Variants in TENM3 observed in about 807,000 individuals in gnomAD.
TENM3 encodes the protein teneurin-3.
TENM3 carries 63 observed loss-of-function variants against 255.1 expected under a neutral mutation model. That is an observed-to-expected ratio of 0.25 (90% CI 0.20 to 0.30). The LOEUF (loss-of-function observed/expected upper bound fraction) is 0.30. Ranked by LOEUF, TENM3 falls within the 10% of genes least tolerant of loss-of-function variation. The probability of loss-of-function intolerance (pLI) is 1.00; values close to 1 mark genes in which losing one functional copy is unlikely to be tolerated. For missense variants in TENM3, 2,929 were observed against 3,461.1 expected (o/e 0.85, Z 3.86); for synonymous variants, 1,306 against 1,322.3 (o/e 0.99, Z 0.27).
chr4:181,547,980 C>T, the TENM3 span, among the ~76,000 whole-genome samples: 1 of 151,722 alleles, frequency 6.6e-6, no homozygotes, highest in African/African-American at 2.4e-5. Flanking sequence ...CCACAACAGG[C>T]CCTGGTGTGT....
the TENM3 span, among the ~76,000 whole-genome samples, chr4:181,968,986 C>CTATATA: frequency 5.7e-5 from 7 of 123,882 alleles, no homozygotes; most frequent in South Asian, 2.7e-4. Flanking sequence ...CTCTCTCTCT[C>CTATATA]TCTCTCTATA....
chr4:181,673,926 C>A, the TENM3 span, among the ~76,000 whole-genome samples: 1 of 151,428 alleles, frequency 6.6e-6, no homozygotes, highest in African/African-American at 2.4e-5. Flanking sequence ...TGACATTACA[C>A]ATGATTGAGG....
At chr4:181,587,525 C>T in the TENM3 span, among the ~76,000 whole-genome samples, 1 of 152,164 alleles carries the variant, frequency 6.6e-6, no homozygotes, top group Non-Finnish European at 1.5e-5. Context: ...CTAAAACCCA[C>T]GTATGATGTT....
chr4:181,474,505 G>C, the TENM3 span, among the ~76,000 whole-genome samples: 1 of 151,970 alleles, frequency 6.6e-6, no homozygotes, highest in Non-Finnish European at 1.5e-5. Context: ...GGGAGGCTAG[G>C]CAGGCGAATC....
At chr4:181,495,920 A>AAAAAT in the TENM3 span, among the ~76,000 whole-genome samples, 1 of 151,210 alleles carries the variant, frequency 6.6e-6, no homozygotes, top group Non-Finnish European at 1.5e-5. Context: ...AAAAAAAAAA[A>AAAAAT]AAGAAACATA....
At chr4:182,100,680 C>CACACATATAT in the TENM3 span, among the ~76,000 whole-genome samples, 3 of 27,776 alleles carry the variant, frequency 1.1e-4, no homozygotes, top group Non-Finnish European at 2.5e-4. Flanking sequence ...CATATATATA[C>CACACATATAT]ACACATATAT....
intron 13 of TENM3, among the ~76,000 whole-genome samples, chr4:182,725,518 T>C (rs1278766039): frequency 2.0e-5 from 3 of 152,108 alleles, no homozygotes; most frequent in Non-Finnish European, 2.9e-5. Context: ...ACTAGAAATA[T>C]TGAGAAATAT....
intron 3 of TENM3, among the ~76,000 whole-genome samples, chr4:182,359,137 A>C (rs1028783676): frequency 2.6e-5 from 4 of 151,734 alleles, no homozygotes; most frequent in African/African-American, 9.7e-5. Flanking sequence ...TTTATTGAGG[A>C]TTTTTGCATC....
intron 3 of TENM3, among the ~76,000 whole-genome samples, chr4:182,450,918 TAGAA>T (rs1773402595): frequency 6.6e-6 from 1 of 152,208 alleles, no homozygotes; most frequent in Non-Finnish European, 1.5e-5. Context: ...CAGGAAAAGA[TAGAA>T]AGGCGCATTC....
chr4:181,637,359 G>A, the TENM3 span, among the ~76,000 whole-genome samples: 6 of 152,188 alleles, frequency 3.9e-5, no homozygotes, highest in South Asian at 2.1e-4. Flanking sequence ...CAGCAACTCC[G>A]GGCTGTGGAG....
intron 5 of TENM3, among the ~76,000 whole-genome samples, chr4:182,652,396 A>G (rs1753390576): frequency 6.6e-6 from 1 of 152,196 alleles, no homozygotes; most frequent in African/African-American, 2.4e-5. Context: ...CCTGGAGTCC[A>G]GACTAAATAA....
the TENM3 span, among the ~76,000 whole-genome samples, chr4:181,830,349 A>C: frequency 6.6e-6 from 1 of 151,460 alleles, no homozygotes; most frequent in Non-Finnish European, 1.5e-5. Flanking sequence ...GCTCACTGCC[A>C]CCTCCCCATC....
chr4:182,160,096 G>T (rs536228297), intron 1 of TENM3, among the ~76,000 whole-genome samples: 1 of 149,804 alleles, frequency 6.7e-6, no homozygotes, highest in African/African-American at 2.4e-5. Context: ...TCCGCTTCCC[G>T]GGTTCACGCC....
intron 1 of TENM3, among the ~76,000 whole-genome samples, chr4:182,238,357 C>A (rs12509246): frequency 0.24 from 36,467 of 152,120 alleles, 5,479 homozygotes; most frequent in Admixed American, 0.36. Flanking sequence ...TGTAATTATT[C>A]TTCTCTCTGA....
chr4:182,406,914 A>AT (rs1459489107), intron 3 of TENM3, among the ~76,000 whole-genome samples: 1 of 152,184 alleles, frequency 6.6e-6, no homozygotes, highest in East Asian at 1.9e-4. Flanking sequence ...CCATCTTTAG[A>AT]TTTTTAGGTT....
intron 12 of TENM3, among the ~76,000 whole-genome samples, chr4:182,691,724 TC>T (rs1757021157): frequency 6.6e-6 from 1 of 152,166 alleles, no homozygotes; most frequent in African/African-American, 2.4e-5. Context: ...CAAGGAGAAA[TC>T]TACTTTTAGC....
chr4:182,763,706 T>C (rs1002755198), intron 22 of TENM3, among the ~76,000 whole-genome samples: 10 of 152,212 alleles, frequency 6.6e-5, no homozygotes, highest in Non-Finnish European at 1.5e-4. Flanking sequence ...AGGAACCTTA[T>C]ATCTGGAGGA....
At position 182,780,373 on chromosome 4, in the gene TENM3, C is replaced by T. The variant is rs1335408935; in HGVS notation, c.5304+5220C>T. Among the ~76,000 whole-genome samples, 96 of 117,048 alleles carry T rather than the reference C, an allele frequency of 8.2e-4. No homozygotes were observed. The East Asian group carries it at 0.019, about 23-fold the overall frequency. The allele number at this position is 117,048 out of a possible 152,430, so 76.8% of individuals were successfully genotyped here. Reference sequence around the variant, plus strand: ...CAAAGATCAGATAGTTGTAGATATGCGGCGTTATTTCTGAGGGCTCTGTTC... The same window carrying T: ...CAAAGATCAGATAGTTGTAGATATGTGGCGTTATTTCTGAGGGCTCTGTTC... On this transcript the variant is annotated intron_variant, in intron 24 of 27. Coordinates refer to ENST00000511685, the MANE Select transcript of TENM3 (RefSeq NM_001080477.4).
At chr4:182,057,701 C>T in the TENM3 span, among the ~76,000 whole-genome samples, 1 of 152,026 alleles carries the variant, frequency 6.6e-6, no homozygotes, top group African/African-American at 2.4e-5. Flanking sequence ...GCACTGGGCC[C>T]CAAATCGTTC....
Sources: allele counts gnomAD v4.1 joint callset (sites outside exome capture counted in the v4.1 genomes callset), GRCh38; gene constraint gnomAD v4.1.1; transcripts MANE v1.5; gene names NCBI Gene and HGNC (gene_info 2026-07-23, HGNC 2026-07-21).